The following PCDH9 variants were observed in gnomAD, a reference collection of about 807,000 sequenced individuals.
PCDH9 encodes protocadherin 9.
A neutral mutation model predicts 70.6 loss-of-function variants in PCDH9; 24 were observed. That is an observed-to-expected ratio of 0.34 (90% CI 0.25 to 0.48). PCDH9 has a LOEUF of 0.48. Ranked by LOEUF, PCDH9 falls within the 20% of genes least tolerant of loss-of-function variation. The pLI, the probability that PCDH9 is intolerant of heterozygous loss-of-function variation, is 0.99. For missense variants in PCDH9, 1,281 were observed against 1,503.6 expected (o/e 0.85, Z 2.45); for synonymous variants, 562 against 558.5 (o/e 1.01, Z -0.09).
At chr13:66,983,943 A>G (rs1196049247) in intron 2 of PCDH9, among the ~76,000 whole-genome samples, 2 of 151,950 alleles carry the variant, frequency 1.3e-5, no homozygotes, top group South Asian at 2.1e-4. Context: ...AAAATATTTT[A>G]TTCTATTGAA....
At chr13:66,531,109 A>AT (rs35177071) in intron 4 of PCDH9, among the ~76,000 whole-genome samples, 81,712 of 150,562 alleles carry the variant, frequency 0.54, 22,392 homozygotes, top group East Asian at 0.73. Context: ...AAAAAAATCC[A>AT]TTTTTTTTTG....
Position 66,576,176 on chromosome 13 carries a change from G to A in PCDH9, c.3340+55034C>T, listed in dbSNP as rs551172556. ...AAGCTATTTTGTGAATTCAAATCAA[G>A]TCTTCATTTATAAACACTTTATTTC... On this transcript the variant is annotated intron_variant, in intron 4 of 4. Coordinates refer to ENST00000377865, the MANE Select transcript of PCDH9 (RefSeq NM_203487.3). Among the ~76,000 whole-genome samples the A allele has an allele frequency of 6.6e-5, 10 of 151,230 alleles. No individual in the cohort carries two copies. The South Asian group carries it at 2.1e-3, about 32-fold the overall frequency.
chr13:66,779,685 G>A (rs1037155568), intron 3 of PCDH9, among the ~76,000 whole-genome samples: 2 of 151,856 alleles, frequency 1.3e-5, no homozygotes, highest in African/African-American at 2.4e-5. Context: ...GCTGGGCGTA[G>A]TGGCATGCTT....
intron 2 of PCDH9, among the ~76,000 whole-genome samples, chr13:67,173,624 C>A (rs1056624289): frequency 6.6e-6 from 1 of 151,894 alleles, no homozygotes; most frequent in Non-Finnish European, 1.5e-5. Context: ...CACTTCAGTT[C>A]GACAGAGAAA....
intron 3 of PCDH9, among the ~76,000 whole-genome samples, chr13:66,677,400 A>G (rs1311482121): frequency 1.3e-5 from 2 of 152,144 alleles, no homozygotes; most frequent in Non-Finnish European, 2.9e-5. Context: ...AAAGATGTTT[A>G]AAAGTTTTTT....
At chr13:66,658,387 T>C (rs1465095268) in intron 3 of PCDH9, among the ~76,000 whole-genome samples, 1 of 152,172 alleles carries the variant, frequency 6.6e-6, no homozygotes, top group Admixed American at 6.5e-5. Flanking sequence ...TTCCAGTCTA[T>C]TGCTTAAACT....
At chr13:66,641,691 A>C (rs2077711077) in intron 3 of PCDH9, among the ~76,000 whole-genome samples, 2 of 152,184 alleles carry the variant, frequency 1.3e-5, no homozygotes, top group Non-Finnish European at 2.9e-5. Flanking sequence ...TCTTAGACTT[A>C]TTAATGCATG....
At chr13:67,081,161 A>G (rs565936017) in intron 2 of PCDH9, among the ~76,000 whole-genome samples, 1 of 152,220 alleles carries the variant, frequency 6.6e-6, no homozygotes, top group Non-Finnish European at 1.5e-5. Context: ...AAAGGAACTG[A>G]CTCAGAGATA....
chr13:66,403,650 T>C (rs761039127), intron 4 of PCDH9, among the ~76,000 whole-genome samples: 10 of 152,086 alleles, frequency 6.6e-5, no homozygotes, highest in Non-Finnish European at 1.0e-4. Flanking sequence ...TATATTATAA[T>C]TTAAAACAGA....
chr13:66,957,294 T>C (rs1297229213), intron 2 of PCDH9, among the ~76,000 whole-genome samples: 1 of 152,208 alleles, frequency 6.6e-6, no homozygotes, highest in East Asian at 1.9e-4. Flanking sequence ...ATGAACTTTT[T>C]TTTTTACACT....
intron 3 of PCDH9, among the ~76,000 whole-genome samples, chr13:66,645,095 C>T (rs2077754391): frequency 6.6e-6 from 1 of 152,100 alleles, no homozygotes; most frequent in South Asian, 2.1e-4. Flanking sequence ...GCAGTTCAGA[C>T]ATCTTGTTTT....
chr13:66,747,074 G>A (rs1171629928), intron 3 of PCDH9, among the ~76,000 whole-genome samples: 1 of 152,202 alleles, frequency 6.6e-6, no homozygotes, highest in Admixed American at 6.5e-5. Flanking sequence ...TGACCTGGCT[G>A]GGCGTGGTGG....
chr13:66,850,857 C>G (rs1480901606), intron 3 of PCDH9, among the ~76,000 whole-genome samples: 1 of 152,212 alleles, frequency 6.6e-6, no homozygotes, highest in Non-Finnish European at 1.5e-5. Context: ...GCTGATCTTT[C>G]AGATATCTTA....
intron 2 of PCDH9, among the ~76,000 whole-genome samples, chr13:67,072,454 A>G (rs1263686046): frequency 6.6e-6 from 1 of 152,120 alleles, no homozygotes; most frequent in Non-Finnish European, 1.5e-5. Context: ...TTAAAAACAC[A>G]GTTTTCCTTG....
chr13:66,774,749 A>G (rs1208670024), intron 3 of PCDH9, among the ~76,000 whole-genome samples: 1 of 152,168 alleles, frequency 6.6e-6, no homozygotes, highest in Non-Finnish European at 1.5e-5. Flanking sequence ...AAGTAAAATC[A>G]GTACTCAGTG....
intron 3 of PCDH9, among the ~76,000 whole-genome samples, chr13:66,802,349 G>T (rs916374289): frequency 1.3e-5 from 2 of 151,948 alleles, no homozygotes; most frequent in Admixed American, 6.6e-5. Flanking sequence ...ATTCATACAG[G>T]ATAGTTAAAA....
chr13:66,444,509 G>A (rs571009513), intron 4 of PCDH9, among the ~76,000 whole-genome samples: 6 of 151,876 alleles, frequency 4.0e-5, no homozygotes, highest in Non-Finnish European at 5.9e-5. Context: ...TTCCTGCAAA[G>A]AGCATTAGAG....
At chr13:66,331,991 T>G (rs1486422946) in intron 4 of PCDH9, among the ~76,000 whole-genome samples, 3 of 152,112 alleles carry the variant, frequency 2.0e-5, no homozygotes, top group African/African-American at 4.8e-5. Flanking sequence ...TTAAAGTAAC[T>G]GCAGATTGTG....
chr13:67,176,324 T>G (rs2088455270), intron 2 of PCDH9, among the ~76,000 whole-genome samples: 1 of 152,062 alleles, frequency 6.6e-6, no homozygotes, highest in Non-Finnish European at 1.5e-5. Context: ...CCCATAAATC[T>G]TTTCAGGTTC....
Sources: allele counts gnomAD v4.1 joint callset (sites outside exome capture counted in the v4.1 genomes callset), GRCh38; gene constraint gnomAD v4.1.1; transcripts MANE v1.5; gene names NCBI Gene and HGNC (gene_info 2026-07-23, HGNC 2026-07-21).